ALK: variants seen among roughly 807,000 people sequenced by gnomAD.
ALK encodes ALK receptor tyrosine kinase.
Under a neutral mutation model 163.1 loss-of-function variants are expected in ALK, and 74 were observed. The ratio of observed to expected loss-of-function variants is 0.45; its 90% CI spans 0.38 to 0.55. The LOEUF (loss-of-function observed/expected upper bound fraction) is 0.55. Ranked by LOEUF, ALK falls within the 20% of genes least tolerant of loss-of-function variation. The pLI, the probability that ALK is intolerant of heterozygous loss-of-function variation, is 0.00. For missense variants in ALK, 2,063 were observed against 2,105.3 expected (o/e 0.98, Z 0.39); for synonymous variants, 960 against 843.2 (o/e 1.14, Z -2.40).
chr2:29,616,061 A>G (rs1018326241), intron 3 of ALK, among the ~76,000 whole-genome samples: 7 of 152,174 alleles, frequency 4.6e-5, no homozygotes, highest in African/African-American at 1.7e-4. Flanking sequence ...GGAGACCCAG[A>G]CCCTGCTCTG....
At chr2:29,761,880 C>T (rs958196560) in intron 1 of ALK, among the ~76,000 whole-genome samples, 2 of 152,192 alleles carry the variant, frequency 1.3e-5, no homozygotes, top group African/African-American at 4.8e-5. Flanking sequence ...GAGAATACAA[C>T]GTATATTTGG....
At chr2:29,614,850 T>G (rs1675796794) in intron 3 of ALK, among the ~76,000 whole-genome samples, 2 of 152,198 alleles carry the variant, frequency 1.3e-5, no homozygotes, top group African/African-American at 2.4e-5. Context: ...TGGCTATCAA[T>G]TCCCACTTTT....
At chr2:29,330,634 T>C (rs1304373464) in intron 5 of ALK, among the ~76,000 whole-genome samples, 1 of 152,138 alleles carries the variant, frequency 6.6e-6, no homozygotes, top group Non-Finnish European at 1.5e-5. Flanking sequence ...GTTACCTATG[T>C]GGTAAAAGAG....
chr2:29,920,578 G>A lies in ALK; in HGVS notation c.82C>T (p.Arg28Cys), dbSNP rs1060500231. 2 of 1,582,844 alleles carry A rather than the reference G, an allele frequency of 1.3e-6. No homozygotes were observed. Among genetic ancestry groups the A allele is most frequent in the South Asian group, 1.1e-5 (1 of 88,144 alleles). Residue 28 changes from arginine (R) to cysteine (C), a missense_variant, in exon 1 of 29, where the codon CGC (arginine) becomes TGC (cysteine). This residue lies in a region of ALK where 987 missense variants were observed against 939.5 expected (regional missense o/e 1.05). Coordinates refer to ENST00000389048, the MANE Select transcript of ALK (RefSeq NM_004304.5). ...GGCCCCGCAGCTGGGGAGCCCGCGC[G>A]CTGGCCGGTCCCCATCCCGGAGCCC... ...AVGSGMGTGQ[R>C]AGSPAAGPPL...
At chr2:29,655,455 T>C (rs1677158663) in intron 3 of ALK, among the ~76,000 whole-genome samples, 1 of 152,172 alleles carries the variant, frequency 6.6e-6, no homozygotes, top group African/African-American at 2.4e-5. Flanking sequence ...ATGCTGAAGA[T>C]AGTATCTTAC....
At chr2:29,631,065 A>G (rs1464697198) in intron 3 of ALK, among the ~76,000 whole-genome samples, 1 of 152,218 alleles carries the variant, frequency 6.6e-6, no homozygotes, top group African/African-American at 2.4e-5. Flanking sequence ...TACTAACTGA[A>G]TCTACACAAA....
rs138025345 is a variant in ALK at position 29,566,147 on chromosome 2, G to T, written c.953-34031C>A. On this transcript the variant is annotated intron_variant, in intron 3 of 28. Coordinates refer to ENST00000389048, the MANE Select transcript of ALK (RefSeq NM_004304.5). The stretch of plus-strand genomic sequence containing the variant: ...CACCCACCCAGGGTCACCCTGCCTG[G>T]ATCACTTTATGAGCGGTCCAATTTA... Among the ~76,000 whole-genome samples, 10 of 152,332 alleles carry T rather than the reference G, an allele frequency of 6.6e-5. No homozygotes were observed. The East Asian group carries it at 1.5e-3, about 24-fold the overall frequency.
At chr2:29,838,320 T>C (rs1333699024) in intron 1 of ALK, among the ~76,000 whole-genome samples, 1 of 152,168 alleles carries the variant, frequency 6.6e-6, no homozygotes, top group Non-Finnish European at 1.5e-5. Flanking sequence ...ATAGTGTTGA[T>C]TATTTTCCCC....
intron 5 of ALK, among the ~76,000 whole-genome samples, chr2:29,331,617 C>A (rs188404518): frequency 6.6e-6 from 1 of 152,338 alleles, no homozygotes; most frequent in East Asian, 1.9e-4. Context: ...TCTGCACACA[C>A]TGGTGCTGGT....
At chr2:29,332,243 A>T (rs1243931646) in intron 5 of ALK, among the ~76,000 whole-genome samples, 1 of 130,512 alleles carries the variant, frequency 7.7e-6, no homozygotes, top group African/African-American at 2.8e-5. Context: ...CCAAGACCGC[A>T]CCATTGTACT....
chr2:29,290,812 G>A (rs1468155948), intron 9 of ALK, among the ~76,000 whole-genome samples: 1 of 152,148 alleles, frequency 6.6e-6, no homozygotes, highest in Non-Finnish European at 1.5e-5. Flanking sequence ...ATAGTCAAAG[G>A]CATGCCGGAG....
chr2:29,472,592 T>C (rs937674904), intron 4 of ALK, among the ~76,000 whole-genome samples: 3 of 151,614 alleles, frequency 2.0e-5, no homozygotes, highest in African/African-American at 7.3e-5. Context: ...GCCAATACAA[T>C]AAGGCAAGAA....
At chr2:29,253,047 CAG>C (rs1219739357) in intron 11 of ALK, among the ~76,000 whole-genome samples, 12 of 152,128 alleles carry the variant, frequency 7.9e-5, no homozygotes, top group South Asian at 4.2e-4. Flanking sequence ...GGCTGGAGTG[CAG>C]AGACACAATC....
chr2:29,374,176 G>A lies in ALK; in HGVS notation c.1282+9556C>T, dbSNP rs147773926. Reference sequence around the variant, plus strand: ...TTCAGCTTAGTCAAGGGATGCCAGAGAGAGGATGAGAATACGTATTGTGCC... The same window carrying A: ...TTCAGCTTAGTCAAGGGATGCCAGAAAGAGGATGAGAATACGTATTGTGCC... On this transcript the variant is annotated intron_variant, in intron 5 of 28. Coordinates refer to ENST00000389048, the MANE Select transcript of ALK (RefSeq NM_004304.5). 3.9e-5 allele frequency among the ~76,000 whole-genome samples: 6 copies of A among 152,340 alleles called. No homozygotes were observed. In the East Asian group the frequency reaches 5.8e-4, roughly 15 times the overall value.
chr2:29,291,477 C>A (rs367745126), intron 9 of ALK, among the ~76,000 whole-genome samples: 1 of 152,158 alleles, frequency 6.6e-6, no homozygotes. Context: ...GGAGGCAGAC[C>A]AGCCTAAAGT....
intron 1 of ALK, among the ~76,000 whole-genome samples, chr2:29,800,471 T>C (rs946061151): frequency 2.6e-5 from 4 of 152,210 alleles, no homozygotes; most frequent in East Asian, 3.9e-4. Context: ...GTTGGGACTA[T>C]GCAGAGGATA....
intron 1 of ALK, among the ~76,000 whole-genome samples, chr2:29,890,081 A>G (rs1436936846): frequency 6.6e-6 from 1 of 152,172 alleles, no homozygotes; most frequent in Non-Finnish European, 1.5e-5. Flanking sequence ...GGAGAGAGAC[A>G]AGCTCTGCTG....
chr2:29,408,529 G>A (rs1669649072), intron 4 of ALK, among the ~76,000 whole-genome samples: 1 of 152,158 alleles, frequency 6.6e-6, no homozygotes, highest in African/African-American at 2.4e-5. Context: ...ACCAATCTGC[G>A]AATTGTTAAC....
At chr2:29,715,356 A>G (rs1372747848) in intron 2 of ALK, among the ~76,000 whole-genome samples, 1 of 152,220 alleles carries the variant, frequency 6.6e-6, no homozygotes, top group Non-Finnish European at 1.5e-5. Flanking sequence ...AAGGGAAATC[A>G]TGAGGATTCC....
Sources: gnomAD v4.1 joint callset for allele counts (sites outside exome capture counted in the v4.1 genomes callset) on GRCh38, gnomAD v4.1.1 for gene constraint, gnomAD v4.1.1 regional missense constraint, MANE v1.5 for transcripts, NCBI Gene and HGNC (gene_info 2026-07-23, HGNC 2026-07-21) for gene names.